GPR143: variants seen among roughly 807,000 people sequenced by gnomAD.
GPR143 encodes G protein-coupled receptor 143, also known as G-protein coupled receptor 143.
In GPR143, 8 loss-of-function variants were observed where a neutral mutation model predicts 27.6. That is an observed-to-expected ratio of 0.29 (90% CI 0.17 to 0.52). The LOEUF is 0.52. Among genes scored for constraint, GPR143 ranks in the 20% least tolerant of loss-of-function variants. The pLI, the probability that GPR143 is intolerant of heterozygous loss-of-function variation, is 0.96. For missense variants in GPR143, 303 were observed against 343.1 expected, an observed-to-expected ratio of 0.88 and a Z score of 0.92; for synonymous variants, 156 against 153.2, an observed-to-expected ratio of 1.02 and a Z score of -0.13.
chrX:9,742,353 C>T (rs1007661381), intron 6 of GPR143, among the ~76,000 whole-genome samples: 3 of 111,223 alleles, frequency 2.7e-5, no homozygotes, highest in South Asian at 3.9e-4. Context: ...ACTGTAGCCT[C>T]GAACTCCTAG....
chrX:9,725,979 GCA>G lies in GPR143; in HGVS notation c.1121-141_1121-140del. 40 of 280,271 alleles carry G rather than the reference GCA, an allele frequency of 1.4e-4. No individual in the cohort carries two copies. The Admixed American group carries it at 1.4e-3, about 10-fold the overall frequency. 23.1% of individuals were successfully genotyped at this position (280,271 alleles called of 1,213,427 possible). On this transcript the variant is annotated intron_variant, in intron 8 of 8. Coordinates refer to ENST00000467482, the MANE Select transcript of GPR143 (RefSeq NM_000273.3). ...CAAAGTCCTAGCATTCATCTCATCT[GCA>G]AAAAAAAAAAAAAAAAAAAAAAAAG...
At chrX:9,752,232 T>C (rs1243497862) in intron 3 of GPR143, among the ~76,000 whole-genome samples, 1 of 111,561 alleles carries the variant, frequency 9.0e-6, no homozygotes, top group Non-Finnish European at 1.9e-5. Context: ...CAGCTAACTT[T>C]TTTATTTTTA....
At chrX:9,773,542 C>T (rs1041010064) in intron 1 of GPR143, among the ~76,000 whole-genome samples, 18 of 110,752 alleles carry the variant, frequency 1.6e-4, no homozygotes, top group African/African-American at 5.9e-4. Flanking sequence ...TATACTTTTT[C>T]GTCATATCTA....
At chrX:9,751,042 G>T (rs895720323) in intron 3 of GPR143, among the ~76,000 whole-genome samples, 3 of 112,537 alleles carry the variant, frequency 2.7e-5, no homozygotes, top group Admixed American at 9.4e-5. Flanking sequence ...GGTTTGAACC[G>T]AATGCAAACA....
upstream of GPR143, among the ~76,000 whole-genome samples, chrX:9,770,323 A>AAGAGAGAGAGAGAGAGAG (rs201287124): frequency 3.1e-4 from 28 of 89,013 alleles, no homozygotes; most frequent in African/African-American, 1.0e-3. Context: ...AAGAAAGAAA[A>AAGAGAGAGAGAGAGAGAG]AGAGAGAGAG....
At chrX:9,731,490 A>C (rs2083353114) in intron 8 of GPR143, among the ~76,000 whole-genome samples, 1 of 111,620 alleles carries the variant, frequency 9.0e-6, no homozygotes, top group African/African-American at 3.3e-5. Flanking sequence ...GAGAGCCAAG[A>C]ATTATGGGAA....
intron 5 of GPR143, among the ~76,000 whole-genome samples, chrX:9,744,636 C>T (rs1262654812): frequency 9.0e-6 from 1 of 110,802 alleles, no homozygotes; most frequent in African/African-American, 3.3e-5. Context: ...ACCTGGGAGG[C>T]GGAGGTTTCA....
At position 9,725,980 on chromosome X, in the gene GPR143, CAAAAAAAAAA is replaced by C. The variant is rs35066814; in HGVS notation, c.1121-150_1121-141del. ...AAAGTCCTAGCATTCATCTCATCTG[CAAAAAAAAAA>C]AAAAAAAAAAAAAAAGGTGGGAGGG... is the stretch of plus-strand genomic sequence containing the variant. On this transcript the variant is annotated intron_variant, in intron 8 of 8. Transcript: ENST00000467482. 50 of 354,902 alleles carry C rather than the reference CAAAAAAAAAA, an allele frequency of 1.4e-4. No homozygotes were observed. The Admixed American group carries it at 6.8e-3, about 48-fold the overall frequency. The allele number at this position is 354,902 out of a possible 1,213,427, so 29.2% of individuals were successfully genotyped here.
At chrX:9,761,260 A>AT (rs2083498918) in intron 1 of GPR143, among the ~76,000 whole-genome samples, 1 of 110,708 alleles carries the variant, frequency 9.0e-6, no homozygotes, top group African/African-American at 3.3e-5. Flanking sequence ...CGCCCAGCTA[A>AT]TTTTTGTATT....
chrX:9,768,965 A>ATC (rs1158955269), upstream of GPR143, among the ~76,000 whole-genome samples: 1 of 111,862 alleles, frequency 8.9e-6, no homozygotes, highest in African/African-American at 3.3e-5. Flanking sequence ...GGCATGAGCC[A>ATC]TCATGCCTGG....
chrX:9,735,788 G>C (rs2083376763), intron 8 of GPR143, among the ~76,000 whole-genome samples: 2 of 111,939 alleles, frequency 1.8e-5, no homozygotes, highest in African/African-American at 6.5e-5. Context: ...GGTCTGAAGG[G>C]TATGATGAAC....
chrX:9,765,792 A>C lies in GPR143; in HGVS notation c.26T>G (p.Phe9Cys), dbSNP rs769431807. Reference sequence around the variant, plus strand: ...GGCTGCGTCCCGCGTGGGGCAGCAGAAGGTCCCTAGGCGCGGGGAGGCCAT... The same window carrying C: ...GGCTGCGTCCCGCGTGGGGCAGCAGCAGGTCCCTAGGCGCGGGGAGGCCAT... MASPRLGT[F>C]CCPTRDAATQ... is the part of the protein sequence containing the mutation. Residue 9 changes from phenylalanine (F) to cysteine (C), a missense_variant, in exon 1 of 9, where the codon TTC becomes TGC. Phe to Cys is a radical substitution (Grantham distance 205, BLOSUM62 -2). Coordinates refer to ENST00000467482, the MANE Select transcript of GPR143 (RefSeq NM_000273.3). The C allele has an allele frequency of 1.8e-6, 2 of 1,121,153 alleles. No homozygotes were observed. Among genetic ancestry groups the C allele is most frequent in the South Asian group, 2.0e-5 (1 of 48,931 alleles). The allele number at this position is 1,121,153 out of a possible 1,213,427, so 92.4% of individuals were successfully genotyped here. A position where few individuals can be genotyped will look rare whatever the true frequency, so the allele number is the denominator to read the frequency against.
chrX:9,746,176 A>G, intron 4 of GPR143, 23 bp from the exon 5 acceptor site: 1 of 990,270 alleles, frequency 1.0e-6, no homozygotes, highest in Non-Finnish European at 1.4e-6. Flanking sequence ...AACCAAAGTC[A>G]TTCTTCTCAA....
chrX:9,743,716 T>C, intron 5 of GPR143, 43 bp from the exon 6 acceptor site: 1 of 803,882 alleles, frequency 1.2e-6, no homozygotes. Context: ...TCATTATTCA[T>C]GTTTACGGAG....
At chrX:9,739,747 C>T in intron 7 of GPR143, 28 bp from the exon 8 acceptor site, 2 of 950,856 alleles carry the variant, frequency 2.1e-6, no homozygotes, top group Non-Finnish European at 3.0e-6. Context: ...AGACACATGG[C>T]AGTCAGTGCA....
intron 4 of GPR143, among the ~76,000 whole-genome samples, chrX:9,747,438 G>C (rs962974279): frequency 9.0e-6 from 1 of 111,251 alleles, no homozygotes; most frequent in African/African-American, 3.3e-5. Flanking sequence ...AGGAGTCTCC[G>C]GGGTCCCACA....
chrX:9,762,445 G>C (rs1282089191), intron 1 of GPR143, among the ~76,000 whole-genome samples: 1 of 111,073 alleles, frequency 9.0e-6, no homozygotes, highest in Non-Finnish European at 1.9e-5. Flanking sequence ...ACAACACCAA[G>C]CTACATACTA....
intron 1 of GPR143, among the ~76,000 whole-genome samples, chrX:9,774,175 G>A (rs1228123801): frequency 3.6e-5 from 4 of 111,533 alleles, no homozygotes; most frequent in Non-Finnish European, 7.5e-5. Context: ...ATTCCAATTT[G>A]AAATGATGTC....
chrX:9,758,484 A>G (rs1255556790), intron 3 of GPR143, among the ~76,000 whole-genome samples: 1 of 111,983 alleles, frequency 8.9e-6, no homozygotes, highest in African/African-American at 3.2e-5. Context: ...TGCCCCAGAT[A>G]CTAGCCACTG....
Sources: gnomAD v4.1 joint callset for allele counts (sites outside exome capture counted in the v4.1 genomes callset) on GRCh38, gnomAD v4.1.1 for gene constraint, MANE v1.5 for transcripts, NCBI Gene and HGNC (gene_info 2026-07-23, HGNC 2026-07-21) for gene names.